Variants in ENTHD1 observed in about 807,000 individuals in gnomAD.
The protein encoded by ENTHD1 is ENTH domain-containing protein 1.
ENTHD1 carries 23 observed loss-of-function variants against 39.1 expected under a neutral mutation model. That is an observed-to-expected ratio of 0.59 (90% CI 0.42 to 0.83). ENTHD1 has a LOEUF of 0.83. Among genes scored for constraint, ENTHD1 ranks in the 40% least tolerant of loss-of-function variants. The probability of loss-of-function intolerance (pLI) is 0.00; values close to 1 mark genes in which losing one functional copy is unlikely to be tolerated. For missense variants in ENTHD1, 624 were observed against 705.4 expected, an observed-to-expected ratio of 0.88 and a Z score of 1.31; for synonymous variants, 230 against 258.2, an observed-to-expected ratio of 0.89 and a Z score of 1.05.
At chr22:39,875,590 GAA>G (rs2066282424) in intron 2 of ENTHD1, 1 of 1,611,714 alleles carries the variant, frequency 6.2e-7, no homozygotes, top group Admixed American at 1.7e-5. Context: ...TAGATAGTAC[GAA>G]GTCTTCAAGA....
chr22:39,878,143 A>T (rs2066306583), intron 2 of ENTHD1, among the ~76,000 whole-genome samples: 1 of 152,216 alleles, frequency 6.6e-6, no homozygotes, highest in Non-Finnish European at 1.5e-5. Flanking sequence ...AGCGATCAAA[A>T]ATATTGTAAC....
chr22:39,835,914 C>A lies in ENTHD1; in HGVS notation c.637G>T (p.Val213Phe). The change falls in exon 4 of 7, where the codon GTT (valine) becomes TTT (phenylalanine). Residue 213 changes from valine (V) to phenylalanine (F), a missense_variant. Coordinates refer to ENST00000325157, the MANE Select transcript of ENTHD1 (RefSeq NM_152512.4). ...AGLKQEHCQD[V>F]HLPTETMLSQ... Reference sequence around the variant, plus strand: ...AACATAGTTTCTGTAGGCAAATGAACATCTTGGCAATGCTCTTGTTTCAAT... The same window carrying A: ...AACATAGTTTCTGTAGGCAAATGAAAATCTTGGCAATGCTCTTGTTTCAAT... 6.2e-7 allele frequency: 1 copy of A among 1,609,732 alleles called. No individual in the cohort carries two copies. The highest frequency in any genetic ancestry group is 8.5e-7 in the Non-Finnish European group (1 of 1,177,772).
At chr22:39,853,347 A>G (rs1569168101) in intron 3 of ENTHD1, among the ~76,000 whole-genome samples, 4 of 152,016 alleles carry the variant, frequency 2.6e-5, no homozygotes, top group African/African-American at 7.2e-5. Context: ...CCTGGCCAAT[A>G]TGGTGAAACC....
At chr22:39,807,268 G>C (rs999982652) in intron 5 of ENTHD1, among the ~76,000 whole-genome samples, 5 of 151,962 alleles carry the variant, frequency 3.3e-5, no homozygotes, top group African/African-American at 1.2e-4. Flanking sequence ...CACATCAAAG[G>C]CTCCCCATTG....
intron 3 of ENTHD1, among the ~76,000 whole-genome samples, chr22:39,846,375 T>C (rs1205185046): frequency 6.6e-6 from 1 of 152,152 alleles, no homozygotes; most frequent in Non-Finnish European, 1.5e-5. Flanking sequence ...TAATTTGTTT[T>C]TTTTCTTAAG....
At chr22:39,853,607 T>C (rs1024757560) in intron 3 of ENTHD1, among the ~76,000 whole-genome samples, 2 of 152,210 alleles carry the variant, frequency 1.3e-5, no homozygotes, top group South Asian at 2.1e-4. Flanking sequence ...AGAGTCTTGC[T>C]GTGTCACCCA....
intron 5 of ENTHD1, among the ~76,000 whole-genome samples, chr22:39,790,665 C>G (rs1157735523): frequency 3.9e-5 from 6 of 152,228 alleles, no homozygotes; most frequent in Non-Finnish European, 7.3e-5. Context: ...CACCAAAGAG[C>G]TACTGGTCAG....
chr22:39,876,130 G>C, intron 2 of ENTHD1: 16 of 1,570,998 alleles, frequency 1.0e-5, no homozygotes, highest in Non-Finnish European at 1.4e-5. Flanking sequence ...TTGGACTCAA[G>C]TCATAGGCTT....
chr22:39,774,566 C>T (rs749359901), intron 5 of ENTHD1, among the ~76,000 whole-genome samples: 1 of 152,148 alleles, frequency 6.6e-6, no homozygotes, highest in Non-Finnish European at 1.5e-5. Flanking sequence ...AGAGGTCTCT[C>T]CAGCTTACCC....
In ENTHD1 at chr22:39,838,606, G is replaced by A. The variant is rs1021128562; in HGVS notation, c.593-2648C>T. The stretch of plus-strand genomic sequence containing the variant: ...GTCACACTCCTATGTGGGCAAACGA[G>A]CAGTTCCAATTATCTCATAAAACCA... On this transcript the variant is annotated intron_variant, in intron 3 of 6. Coordinates refer to ENST00000325157, the MANE Select transcript of ENTHD1 (RefSeq NM_152512.4). Among the ~76,000 whole-genome samples, 82 of 151,962 alleles carry A rather than the reference G, an allele frequency of 5.4e-4. 1 individual carries two copies. Among genetic ancestry groups the A allele is most frequent in the Non-Finnish European group, 2.5e-4 (17 of 67,974 alleles).
chr22:39,765,059 G>A (rs1052388468), intron 6 of ENTHD1, among the ~76,000 whole-genome samples, 164 bp downstream of exon 6: 2 of 152,182 alleles, frequency 1.3e-5, no homozygotes, highest in African/African-American at 2.4e-5. Context: ...TCCCAACTAA[G>A]AAGTATGTGT....
At chr22:39,781,236 C>G (rs921492952) in intron 5 of ENTHD1, among the ~76,000 whole-genome samples, 34 of 152,066 alleles carry the variant, frequency 2.2e-4, no homozygotes, top group Non-Finnish European at 1.5e-4. Context: ...GGGCCGTTGT[C>G]CAGAACAAAC....
rs9623083 is a variant in ENTHD1, at chr22:39,867,993, C to T, written c.350-5986G>A. Among the ~76,000 whole-genome samples, 35,123 of 151,988 alleles carry T rather than the reference C, an allele frequency of 0.23. 5,277 individuals are homozygous for T. Among genetic ancestry groups the T allele is most frequent in the Middle Eastern group, 0.38 (110 of 292 alleles). Reference sequence around the variant, plus strand: ...CAAGGGCTGCTGGGCTCTTGATCTGCCAGCCCAGAGTTCAGCTCCTCAGGT... The same window carrying T: ...CAAGGGCTGCTGGGCTCTTGATCTGTCAGCCCAGAGTTCAGCTCCTCAGGT... On this transcript the variant is annotated intron_variant, in intron 2 of 6. Coordinates refer to ENST00000325157, the MANE Select transcript of ENTHD1 (RefSeq NM_152512.4). This position sits in a 1 kb window ranked among gnomAD's most constrained non-coding sequence, Gnocchi z 4.5.
At chr22:39,762,189 C>T (rs1204999643) in intron 6 of ENTHD1, among the ~76,000 whole-genome samples, 1 of 152,022 alleles carries the variant, frequency 6.6e-6, no homozygotes, top group Non-Finnish European at 1.5e-5. Flanking sequence ...GCTGGGGTCC[C>T]CCTATACGTA....
chr22:39,783,793 C>T (rs1276355564), intron 5 of ENTHD1, among the ~76,000 whole-genome samples: 1 of 152,220 alleles, frequency 6.6e-6, no homozygotes, highest in Admixed American at 6.5e-5. Flanking sequence ...CACTATGAAA[C>T]TACTGAAGAA....
intron 3 of ENTHD1, among the ~76,000 whole-genome samples, chr22:39,848,572 C>T (rs191478183): frequency 1.2e-3 from 178 of 152,208 alleles, no homozygotes; most frequent in Middle Eastern, 3.4e-3. Context: ...TTTTAAAGGA[C>T]TCATCTGATT....
chr22:39,747,184 T>C (rs1254895979), intron 6 of ENTHD1, among the ~76,000 whole-genome samples: 1 of 152,158 alleles, frequency 6.6e-6, no homozygotes, highest in Non-Finnish European at 1.5e-5. Flanking sequence ...AGAAGGGCTC[T>C]TGCTACATTG....
At position 39,859,672 on chromosome 22, in the gene ENTHD1, C is replaced by T. The variant is rs1038955543; in HGVS notation, c.592+2093G>A. On this transcript the variant is annotated intron_variant, in intron 3 of 6. Transcript: ENST00000325157. ...TCTTCTACAGCCATGGTTTGTGGTA[C>T]CCCAAAACAATTACAACAGTAACAT... Among the ~76,000 whole-genome samples the T allele has an allele frequency of 4.6e-5, 7 of 152,134 alleles. No individual in the cohort carries two copies. The South Asian group carries it at 1.5e-3, about 32-fold the overall frequency.
intron 4 of ENTHD1, among the ~76,000 whole-genome samples, chr22:39,824,133 C>T (rs938481960): frequency 6.8e-6 from 1 of 146,622 alleles, no homozygotes; most frequent in African/African-American, 2.5e-5. Flanking sequence ...GCAGAGCAAA[C>T]ATTTTCAGTT....
Sources: gnomAD v4.1 joint callset for allele counts (sites outside exome capture counted in the v4.1 genomes callset) on GRCh38, gnomAD v4.1.1 for gene constraint, Gnocchi (gnomAD v3.1) non-coding constraint, MANE v1.5 for transcripts, NCBI Gene and HGNC (gene_info 2026-07-23, HGNC 2026-07-21) for gene names.